PDE8B: variants seen among roughly 807,000 people sequenced by gnomAD.
The protein encoded by PDE8B is phosphodiesterase 8B.
A neutral mutation model predicts 101.3 loss-of-function variants in PDE8B; 26 were observed. That is an observed-to-expected ratio of 0.26 (90% CI 0.19 to 0.36). The LOEUF is 0.36. Ranked by LOEUF, PDE8B falls within the 10% of genes least tolerant of loss-of-function variation. The pLI is 1.00. For synonymous variants in PDE8B, 424 were observed against 429.3 expected, an observed-to-expected ratio of 0.99 and a Z score of 0.15; for missense variants, 810 against 1,163.1, an observed-to-expected ratio of 0.70 and a Z score of 4.42.
intron 1 of PDE8B, among the ~76,000 whole-genome samples, chr5:77,264,518 T>TGG (rs1197221492): frequency 6.6e-6 from 1 of 152,156 alleles, no homozygotes; most frequent in Non-Finnish European, 1.5e-5. Flanking sequence ...GAACCAGTAA[T>TGG]CAAATATCCT....
intron 10 of PDE8B, among the ~76,000 whole-genome samples, chr5:77,398,255 C>T (rs2150983718): frequency 6.7e-6 from 1 of 148,376 alleles, no homozygotes; most frequent in East Asian, 2.0e-4. Flanking sequence ...TTACTTTTGA[C>T]TGTAGGGCCC....
In PDE8B at chr5:77,411,771, C is replaced by A. The variant is rs747251688; in HGVS notation, c.1576+50C>A. 43 of 1,345,642 alleles carry A rather than the reference C, an allele frequency of 3.2e-5. 1 individual carries two copies. The Admixed American group carries it at 7.2e-4, about 23-fold the overall frequency. 83.4% of individuals were successfully genotyped at this position (1,345,642 alleles called of 1,614,324 possible). A position where few individuals can be genotyped will look rare whatever the true frequency, so the allele number is the denominator to read the frequency against. Reference sequence around the variant, plus strand: ...TAGTGTAACCTGTCTCCAGCCTGTGCTGTCCCCGCTGTTGCGATTATTGTT... The same window carrying A: ...TAGTGTAACCTGTCTCCAGCCTGTGATGTCCCCGCTGTTGCGATTATTGTT... On this transcript the variant is annotated intron_variant, in intron 15 of 21. Transcript: ENST00000264917.
At chr5:77,383,830 A>T (rs1229113510) in intron 10 of PDE8B, among the ~76,000 whole-genome samples, 1 of 152,142 alleles carries the variant, frequency 6.6e-6, no homozygotes, top group South Asian at 2.1e-4. Flanking sequence ...GTTCTGTTCC[A>T]TTGGTCTATA....
At chr5:77,284,469 T>C (rs1029718367) in intron 1 of PDE8B, among the ~76,000 whole-genome samples, 1 of 152,226 alleles carries the variant, frequency 6.6e-6, no homozygotes, top group Non-Finnish European at 1.5e-5. Flanking sequence ...TACATTTAGG[T>C]TAGATTTCCT....
chr5:77,322,678 C>T (rs901293003), intron 2 of PDE8B, among the ~76,000 whole-genome samples: 1 of 152,196 alleles, frequency 6.6e-6, no homozygotes, highest in African/African-American at 2.4e-5. Context: ...CTCAGCAGGA[C>T]CTATTCTAAC....
chr5:77,417,336 C>A (rs1795787821), intron 17 of PDE8B, among the ~76,000 whole-genome samples: 1 of 152,198 alleles, frequency 6.6e-6, no homozygotes. Context: ...CTTAGCACGT[C>A]TCACAGCAAG....
At chr5:77,383,233 C>T (rs1437333069) in intron 10 of PDE8B, among the ~76,000 whole-genome samples, 5 of 152,146 alleles carry the variant, frequency 3.3e-5, no homozygotes, top group Non-Finnish European at 7.3e-5. Context: ...GCATAAATGT[C>T]TTCTTTTGAG....
chr5:77,226,314 C>T (rs6888937), intron 1 of PDE8B, among the ~76,000 whole-genome samples: 19,867 of 152,154 alleles, frequency 0.13, 1,842 homozygotes, highest in East Asian at 0.49. Context: ...TTAAAATACA[C>T]ATTAACATAT....
chr5:77,233,277 C>G (rs150818231), intron 1 of PDE8B, among the ~76,000 whole-genome samples: 1 of 152,176 alleles, frequency 6.6e-6, no homozygotes, highest in East Asian at 1.9e-4. Context: ...CAAGCCCTAC[C>G]ATTGATGAAG....
chr5:77,209,551 A>G (rs1275788794), upstream of PDE8B, among the ~76,000 whole-genome samples: 1 of 152,150 alleles, frequency 6.6e-6, no homozygotes, highest in Non-Finnish European at 1.5e-5. Context: ...CAGTGACTGA[A>G]TGGGCAGTGG....
chr5:77,340,520 G>A (rs1007600594), intron 6 of PDE8B, among the ~76,000 whole-genome samples: 5 of 151,876 alleles, frequency 3.3e-5, no homozygotes, highest in African/African-American at 1.2e-4. Context: ...ACTCCTGCTG[G>A]TATGTGGACT....
At chr5:77,203,518 G>A in the PDE8B span, among the ~76,000 whole-genome samples, 18 of 152,002 alleles carry the variant, frequency 1.2e-4, no homozygotes, top group East Asian at 1.2e-3. Context: ...GGCTGGCTGG[G>A]TGGATGGATG....
At chr5:77,233,798 GT>G (rs560799213) in intron 1 of PDE8B, among the ~76,000 whole-genome samples, 8,681 of 138,854 alleles carry the variant, frequency 0.063, 273 homozygotes, top group African/African-American at 0.072. Flanking sequence ...GTATGTTTGA[GT>G]TTTTTTTTTT....
chr5:77,178,887 G>A, the PDE8B span, among the ~76,000 whole-genome samples: 1 of 152,216 alleles, frequency 6.6e-6, no homozygotes, highest in Non-Finnish European at 1.5e-5. Context: ...TTCCCTGCCG[G>A]GTGGGCCTCC....
intron 6 of PDE8B, among the ~76,000 whole-genome samples, chr5:77,337,656 T>C (rs575495628): frequency 6.6e-6 from 1 of 152,350 alleles, no homozygotes; most frequent in East Asian, 1.9e-4. Flanking sequence ...TTTATACATT[T>C]TTACTTGGAT....
the PDE8B span, chr5:77,147,547 A>G: frequency 1.6e-5 from 2 of 128,634 alleles, no homozygotes; most frequent in East Asian, 3.9e-4. Context: ...CTGTAATTGC[A>G]AAAAAAAAAG....
At chr5:77,308,752 A>T (rs1384960362) in intron 1 of PDE8B, among the ~76,000 whole-genome samples, 1 of 152,226 alleles carries the variant, frequency 6.6e-6, no homozygotes, top group Non-Finnish European at 1.5e-5. Flanking sequence ...TGCCTGGGTC[A>T]GAGGGACTTA....
intron 10 of PDE8B, among the ~76,000 whole-genome samples, chr5:77,368,295 C>G (rs563721399): frequency 3.3e-5 from 5 of 152,186 alleles, no homozygotes; most frequent in Non-Finnish European, 4.4e-5. Flanking sequence ...GTCTTAAAAA[C>G]TTACACTGAC....
chr5:77,276,141 AT>A (rs1223754075), intron 1 of PDE8B, among the ~76,000 whole-genome samples: 1 of 152,242 alleles, frequency 6.6e-6, no homozygotes, highest in East Asian at 1.9e-4. Context: ...TCTCTAAGGT[AT>A]GACACTTCTG....
Sources: allele counts gnomAD v4.1 joint callset (sites outside exome capture counted in the v4.1 genomes callset), GRCh38; gene constraint gnomAD v4.1.1; transcripts MANE v1.5; gene names NCBI Gene and HGNC (gene_info 2026-07-23, HGNC 2026-07-21).